The following MEGF6 variants were observed in gnomAD, a reference collection of about 807,000 sequenced individuals.
MEGF6 encodes multiple epidermal growth factor-like domains protein 6.
A neutral mutation model predicts 207.1 loss-of-function variants in MEGF6; 184 were observed. That is an observed-to-expected ratio of 0.89 (90% CI 0.79 to 1.00). MEGF6 has a LOEUF of 1.00. Among genes scored for constraint, MEGF6 ranks in the 50% least tolerant of loss-of-function variants. The probability of loss-of-function intolerance (pLI) is 0.00; values close to 1 mark genes in which losing one functional copy is unlikely to be tolerated. For synonymous variants in MEGF6, 1,038 were observed against 910.0 expected, an observed-to-expected ratio of 1.14 and a Z score of -2.53; for missense variants, 2,282 against 2,202.9, an observed-to-expected ratio of 1.04 and a Z score of -0.72.
At chr1:3,577,832 C>A (rs1643684484) in intron 4 of MEGF6, among the ~76,000 whole-genome samples, 1 of 152,228 alleles carries the variant, frequency 6.6e-6, no homozygotes, top group African/African-American at 2.4e-5. Flanking sequence ...GCATGGAGCC[C>A]CCCCAACAAT....
rs1311313836 is a variant in MEGF6, at chr1:3,488,347, G to A, written c.*2181C>T. Among the ~76,000 whole-genome samples the A allele has an allele frequency of 6.6e-6, 1 of 152,196 alleles. No homozygotes were observed. The highest frequency in any genetic ancestry group is 1.5e-5 in the Non-Finnish European group (1 of 68,040). On this transcript the variant is annotated 3_prime_UTR_variant, in exon 37 of 37. Coordinates refer to ENST00000356575, the MANE Select transcript of MEGF6 (RefSeq NM_001409.4). The stretch of plus-strand genomic sequence containing the variant: ...ACTGTGTCTTCACTGAGCGGGATGA[G>A]TGATTGGTACCTGCCAGGCCCCCCG...
intron 4 of MEGF6, 81 bp from the exon 5 acceptor site, chr1:3,524,327 G>C: frequency 6.4e-7 from 1 of 1,555,666 alleles, no homozygotes; most frequent in South Asian, 1.2e-5. Context: ...GGTGCCGGGG[G>C]CCCAGACCCA....
intron 4 of MEGF6, among the ~76,000 whole-genome samples, chr1:3,529,835 C>T (rs1642088499): frequency 6.6e-6 from 1 of 152,236 alleles, no homozygotes; most frequent in Non-Finnish European, 1.5e-5. Flanking sequence ...CGCGCCCCTT[C>T]CGAAGCCCAC....
chr1:3,590,839 A>G (rs1000112118), intron 3 of MEGF6, among the ~76,000 whole-genome samples: 4 of 152,174 alleles, frequency 2.6e-5, no homozygotes, highest in African/African-American at 9.7e-5. Flanking sequence ...CCCTCTAAAG[A>G]GTGAGCGTCT....
In MEGF6 at chr1:3,494,719, G is replaced by A. The variant is rs745352508; in HGVS notation, c.3894C>T (p.Gly1298=). The change falls in exon 31 of 37, where the codon GGC becomes GGT. Residue 1298 remains glycine (G), a synonymous_variant. Transcript: ENST00000356575. ...AGGAGCAGGTGTGCTCGCAGCCCAC[G>A]CCAAACCGGTTCTGGGGGCAGCCTG... ...CERGCPQNRF[G]VGCEHTCSCR... is the part of the protein sequence containing the mutation. The A allele has an allele frequency of 1.8e-5, 29 of 1,587,998 alleles. No homozygotes were observed. Among genetic ancestry groups the A allele is most frequent in the Admixed American group, 5.2e-5 (3 of 57,464 alleles).
intron 15 of MEGF6, 55 bp from the exon 16 acceptor site, chr1:3,505,611 A>C: frequency 6.7e-7 from 1 of 1,485,114 alleles, no homozygotes; most frequent in East Asian, 2.5e-5. Flanking sequence ...ACCCTCCCAG[A>C]CCGCTTCCAC....
rs763120864 is a variant in MEGF6, at chr1:3,495,892, C to T, written c.3869G>A (p.Arg1290Gln). ...TGCCCTCTGGAGTGAACACTCACCT[C>T]GCTCACAGCGGACGCCGGCTCTCCC... The part of the protein sequence containing the change: ...PPGRAGVRCE[R>Q]GCPQNRFGVG... Residue 1290 changes from arginine (R) to glutamine (Q), a missense_variant and splice_region_variant, in exon 30 of 37, where the codon CGA becomes CAA. By Grantham distance (43) the Arg-to-Gln change is conservative. Transcript: ENST00000356575. The T allele has an allele frequency of 1.2e-5, 19 of 1,598,272 alleles. No individual in the cohort carries two copies. Among genetic ancestry groups the T allele is most frequent in the African/African-American group, 9.3e-5 (7 of 75,024 alleles).
At chr1:3,597,379 G>A (rs951946818) in intron 2 of MEGF6, among the ~76,000 whole-genome samples, 1 of 152,024 alleles carries the variant, frequency 6.6e-6, no homozygotes, top group Admixed American at 6.5e-5. Flanking sequence ...CCTCACTCTA[G>A]CAAGGACTAC....
chr1:3,590,900 C>CCTCTAAAGAGTGAGCGTCT (rs1557802027), intron 3 of MEGF6, among the ~76,000 whole-genome samples: 1 of 152,180 alleles, frequency 6.6e-6, no homozygotes, highest in South Asian at 2.1e-4. Context: ...GCACAGGGGC[C>CCTCTAAAGAGTGAGCGTCT]GTGCACCCCA....
rs1336917782 is a variant in MEGF6 at position 3,489,261 on chromosome 1, C to T, written c.*1267G>A. On this transcript the variant is annotated 3_prime_UTR_variant, in exon 37 of 37. Transcript: ENST00000356575. ...GAGCAACCAAGCTCACTGGACTCCT[C>T]CTCCTCCTGCTGGTGAAATTGTCTG... Among the ~76,000 whole-genome samples, 5 of 152,248 alleles carry T rather than the reference C, an allele frequency of 3.3e-5. No homozygotes were observed. Among genetic ancestry groups the T allele is most frequent in the Non-Finnish European group, 7.3e-5 (5 of 68,048 alleles).
intron 1 of MEGF6, among the ~76,000 whole-genome samples, chr1:3,603,587 C>T (rs1644196434): frequency 6.6e-6 from 1 of 152,144 alleles, no homozygotes; most frequent in Non-Finnish European, 1.5e-5. Flanking sequence ...CGGTGTCTCC[C>T]CTCCAGCCTC....
intron 2 of MEGF6, among the ~76,000 whole-genome samples, chr1:3,601,335 T>TGCACGCATGACATCCACAGGGCAG (rs1644154038): frequency 6.6e-6 from 1 of 152,264 alleles, no homozygotes; most frequent in Non-Finnish European, 1.5e-5. Context: ...CCTGCATCCA[T>TGCACGCATGACATCCACAGGGCAG]GCACGCATGA....
Position 3,573,967 on chromosome 1 carries a change from A to C in MEGF6, c.481+5858T>G, listed in dbSNP as rs1212888197. Among the ~76,000 whole-genome samples the C allele has an allele frequency of 6.6e-6, 1 of 151,848 alleles. No homozygotes were observed. Among genetic ancestry groups the C allele is most frequent in the Non-Finnish European group, 1.5e-5 (1 of 67,916 alleles). On this transcript the variant is annotated intron_variant, in intron 4 of 36. Transcript: ENST00000356575. The surrounding 1 kb of genome is among the most constrained non-coding windows in gnomAD (Gnocchi z 5.1). ...GACACCACCCAGTCCTAGCCACCCA[A>C]CCTTCTCCAAGGCTCTGCTTCCTGG...
chr1:3,539,689 C>T (rs1203775457), intron 4 of MEGF6, among the ~76,000 whole-genome samples: 1 of 152,192 alleles, frequency 6.6e-6, no homozygotes, highest in Non-Finnish European at 1.5e-5. Context: ...AAGTGGCTAC[C>T]TGGGCGCCTC....
At chr1:3,595,548 C>G in intron 2 of MEGF6, 101 bp from the exon 3 acceptor site, 1 of 1,003,614 alleles carries the variant, frequency 1.0e-6, no homozygotes, top group Middle Eastern at 2.1e-4. Context: ...CAGCCGGGTT[C>G]CCGGCGGCAC....
Position 3,509,854 on chromosome 1 carries a change from AG to A in MEGF6, c.1357+15del. 1 of 1,541,968 alleles carries A rather than the reference AG, an allele frequency of 6.5e-7. No individual in the cohort carries two copies. ...GAAGGCAGAGGCCGGTGCTCCGCGG[AG>A]GGCGGGAGACTCACGGCTGCAGCCC... On this transcript the variant is annotated intron_variant, in intron 11 of 36. Transcript: ENST00000356575.
At chr1:3,533,742 G>A (rs906446277) in intron 4 of MEGF6, among the ~76,000 whole-genome samples, 8 of 152,272 alleles carry the variant, frequency 5.3e-5, no homozygotes, top group East Asian at 1.9e-4. Flanking sequence ...AGTACTCGGC[G>A]GGAGCCTGGG....
intron 4 of MEGF6, among the ~76,000 whole-genome samples, chr1:3,546,324 C>A (rs534732266): frequency 6.6e-6 from 1 of 152,248 alleles, no homozygotes; most frequent in Admixed American, 6.5e-5. Flanking sequence ...AGCTCGCAAA[C>A]GCTTCTAGCC....
At chr1:3,502,256 T>G (rs1216918274) in intron 17 of MEGF6, among the ~76,000 whole-genome samples, 1 of 151,800 alleles carries the variant, frequency 6.6e-6, no homozygotes, top group Non-Finnish European at 1.5e-5. Context: ...TGGGGCAGCG[T>G]GGGAGAGGCT....
Sources: allele counts gnomAD v4.1 joint callset (sites outside exome capture counted in the v4.1 genomes callset), GRCh38; gene constraint gnomAD v4.1.1; non-coding constraint Gnocchi (gnomAD v3.1); transcripts MANE v1.5; gene names NCBI Gene and HGNC (gene_info 2026-07-23, HGNC 2026-07-21).